The following CACNA1C variants were observed in gnomAD, a reference collection of about 807,000 sequenced individuals.
CACNA1C encodes calcium voltage-gated channel subunit alpha1 C.
In CACNA1C, 30 loss-of-function variants were observed where a neutral mutation model predicts 229.0. That is an observed-to-expected ratio of 0.13 (90% CI 0.10 to 0.18). The LOEUF (loss-of-function observed/expected upper bound fraction) is 0.18, where lower values mean the gene tolerates loss of function less well. Ranked by LOEUF, CACNA1C falls within the 10% of genes least tolerant of loss-of-function variation. The probability of loss-of-function intolerance (pLI) is 1.00; values close to 1 mark genes in which losing one functional copy is unlikely to be tolerated. For missense variants in CACNA1C, 1,658 were observed against 2,845.0 expected, an observed-to-expected ratio of 0.58 and a Z score of 9.49; for synonymous variants, 1,114 against 1,132.5, an observed-to-expected ratio of 0.98 and a Z score of 0.33.
At chr12:2,183,358 C>T (rs1166527024) in intron 3 of CACNA1C, among the ~76,000 whole-genome samples, 1 of 152,172 alleles carries the variant, frequency 6.6e-6, no homozygotes, top group Non-Finnish European at 1.5e-5. Flanking sequence ...AACACCTGCT[C>T]ATAGGTCTGT....
At chr12:2,395,149 G>A (rs2098548462) in intron 3 of CACNA1C, among the ~76,000 whole-genome samples, 1 of 151,100 alleles carries the variant, frequency 6.6e-6, no homozygotes, top group Non-Finnish European at 1.5e-5. Flanking sequence ...CTCCAGAGTA[G>A]CTGGGACTAC....
At chr12:2,334,983 T>C (rs1250156369) in intron 3 of CACNA1C, among the ~76,000 whole-genome samples, 1 of 152,188 alleles carries the variant, frequency 6.6e-6, no homozygotes, top group Admixed American at 6.5e-5. Flanking sequence ...CCCATAGACC[T>C]ATCCAATGGC....
chr12:2,180,679 G>A (rs2154280071), intron 3 of CACNA1C, among the ~76,000 whole-genome samples: 1 of 152,302 alleles, frequency 6.6e-6, no homozygotes, highest in East Asian at 1.9e-4. Context: ...TGAGGGGCTG[G>A]TTTTGGAGCC....
intron 3 of CACNA1C, among the ~76,000 whole-genome samples, chr12:2,440,109 T>C (rs1213919049): frequency 1.3e-5 from 2 of 152,218 alleles, no homozygotes; most frequent in African/African-American, 4.8e-5. Context: ...AGAATGCTTC[T>C]TTTTTTATTG....
At chr12:2,419,182 G>A (rs1334845418) in intron 3 of CACNA1C, among the ~76,000 whole-genome samples, 3 of 152,134 alleles carry the variant, frequency 2.0e-5, no homozygotes, top group Non-Finnish European at 4.4e-5. Context: ...AAGAGGTTTC[G>A]TTGGCTCACA....
chr12:2,452,728 G>C (rs949382729), intron 4 of CACNA1C, among the ~76,000 whole-genome samples: 1 of 152,206 alleles, frequency 6.6e-6, no homozygotes, highest in Non-Finnish European at 1.5e-5. Flanking sequence ...CTTGAGGCAG[G>C]AGTTAAAGGC....
At chr12:2,078,130 G>A (rs913086520) in intron 1 of CACNA1C, among the ~76,000 whole-genome samples, 1 of 152,154 alleles carries the variant, frequency 6.6e-6, no homozygotes, top group African/African-American at 2.4e-5. Flanking sequence ...GGGCCTTCCT[G>A]ATGGGATTAG....
chr12:2,034,489 A>G lies in CACNA1C; in HGVS notation c.139+63288A>G, dbSNP rs1156739796. Among the ~76,000 whole-genome samples the G allele has an allele frequency of 6.6e-6, 1 of 152,240 alleles. No individual in the cohort carries two copies. Among genetic ancestry groups the G allele is most frequent in the East Asian group, 1.9e-4 (1 of 5,196 alleles). The stretch of plus-strand genomic sequence containing the variant: ...TTTCCATCCCTCGGAGGTCTCAGGC[A>G]GAGGCTGAGGTACTAAGGTTGAGGG... On this transcript the variant is annotated intron_variant, in intron 1 of 46. Coordinates refer to the CACNA1C transcript ENST00000682462. The surrounding 1 kb of genome is among the most constrained non-coding windows in gnomAD (Gnocchi z 4.1).
chr12:2,220,073 C>T (rs928879149), intron 3 of CACNA1C, among the ~76,000 whole-genome samples: 9 of 152,178 alleles, frequency 5.9e-5, no homozygotes, highest in South Asian at 4.1e-4. Context: ...CAGCACAAGA[C>T]GGTGGAAGTG....
chr12:2,313,364 C>T (rs905739465), intron 3 of CACNA1C, among the ~76,000 whole-genome samples: 1 of 152,140 alleles, frequency 6.6e-6, no homozygotes, highest in African/African-American at 2.4e-5. Context: ...TTAACTTCCT[C>T]CCCACCCAAA....
Position 2,601,333 on chromosome 12 carries a change from G to C in CACNA1C, c.2854-521G>C, listed in dbSNP as rs2072071322. 1.3e-5 allele frequency among the ~76,000 whole-genome samples: 2 copies of C among 152,192 alleles called. No homozygotes were observed. The highest frequency in any genetic ancestry group is 1.3e-4 in the Admixed American group (2 of 15,292). On this transcript the variant is annotated intron_variant, in intron 21 of 46. Transcript: ENST00000399655. The surrounding 1 kb of genome is among the most constrained non-coding windows in gnomAD (Gnocchi z 5.9). ...TTTTCTGGGATGCAGGATTTCTGAT[G>C]ATAAAGCAAATCTGGGCAAACCAGG...
In CACNA1C at chr12:2,624,309, G is replaced by C. The variant is rs954179025; in HGVS notation, c.3829-9988G>C. On this transcript the variant is annotated intron_variant, in intron 29 of 46. Transcript: ENST00000399655. ...CTGAAAGTCCCACAACGTGTGAGAG[G>C]GTTCTGCCCAGTGAAGGAGCATCCT... 2.9e-4 allele frequency among the ~76,000 whole-genome samples: 44 copies of C among 152,188 alleles called. 1 individual carries two copies. The highest frequency in any genetic ancestry group is 1.1e-3 in the African/African-American group (44 of 41,450).
chr12:2,417,512 G>A (rs528909161), intron 3 of CACNA1C, among the ~76,000 whole-genome samples: 4 of 152,290 alleles, frequency 2.6e-5, no homozygotes, highest in East Asian at 1.9e-4. Context: ...CAGGAGGTAC[G>A]CGCCAAGGAC....
rs931512679 is a variant in CACNA1C at position 2,504,798 on chromosome 12, C to A, written c.1114-44C>A. The A allele has an allele frequency of 2.5e-6, 3 of 1,187,982 alleles. No individual in the cohort carries two copies. The highest frequency in any genetic ancestry group is 1.2e-5 in the South Asian group (1 of 80,718). 73.6% of individuals were successfully genotyped at this position (1,187,982 alleles called of 1,614,324 possible). ...GCCGGGGACCGGCACTGGCCGTGCT[C>A]GGTTGCTGAGTGTGCCTCACTAACT... is the stretch of plus-strand genomic sequence containing the variant. On this transcript the variant is annotated intron_variant, in intron 7 of 46. Coordinates refer to ENST00000399655, the MANE Select transcript of CACNA1C (RefSeq NM_000719.7). This position sits in a 1 kb window ranked among gnomAD's most constrained non-coding sequence, Gnocchi z 6.8.
intron 3 of CACNA1C, among the ~76,000 whole-genome samples, chr12:2,200,218 G>A (rs1435310321): frequency 6.6e-6 from 1 of 152,192 alleles, no homozygotes; most frequent in African/African-American, 2.4e-5. Context: ...CCATTAGGAA[G>A]GTTAGTAATG....
intron 1 of CACNA1C, among the ~76,000 whole-genome samples, chr12:2,021,200 G>A (rs2046383514): frequency 6.6e-6 from 1 of 152,124 alleles, no homozygotes; most frequent in Admixed American, 6.5e-5. Flanking sequence ...CATTTTTTAT[G>A]TTGTCATTTT....
chr12:2,276,492 G>A (rs544410234), intron 3 of CACNA1C, among the ~76,000 whole-genome samples: 1 of 152,366 alleles, frequency 6.6e-6, no homozygotes, highest in South Asian at 2.1e-4. Context: ...AAGAATGGAT[G>A]ATTCAGAGCT....
chr12:2,191,945 C>T (rs1424501658), intron 3 of CACNA1C, among the ~76,000 whole-genome samples: 1 of 152,094 alleles, frequency 6.6e-6, no homozygotes, highest in Non-Finnish European at 1.5e-5. Flanking sequence ...CATGGACACT[C>T]ATACACGCAC....
intron 3 of CACNA1C, among the ~76,000 whole-genome samples, chr12:2,430,520 T>G (rs1273514564): frequency 6.6e-6 from 1 of 152,124 alleles, no homozygotes; most frequent in Non-Finnish European, 1.5e-5. Flanking sequence ...ACCCTCACAC[T>G]TGCCTTGAGT....
Sources: allele counts gnomAD v4.1 joint callset (sites outside exome capture counted in the v4.1 genomes callset), GRCh38; gene constraint gnomAD v4.1.1; non-coding constraint Gnocchi (gnomAD v3.1); transcripts MANE v1.5; gene names NCBI Gene and HGNC (gene_info 2026-07-23, HGNC 2026-07-21).